The following FRMD4B variants were observed in gnomAD, a reference collection of about 807,000 sequenced individuals.
FRMD4B encodes the protein FERM domain-containing protein 4B.
In FRMD4B, 74 loss-of-function variants were observed where a neutral mutation model predicts 141.5. That is an observed-to-expected ratio of 0.52 (90% CI 0.43 to 0.63). The LOEUF (loss-of-function observed/expected upper bound fraction) is 0.63, where lower values mean the gene tolerates loss of function less well. Among genes scored for constraint, FRMD4B ranks in the 30% least tolerant of loss-of-function variants. The pLI is 0.00. For synonymous variants in FRMD4B, 506 were observed against 467.9 expected (o/e 1.08, Z -1.05); for missense variants, 1,366 against 1,253.4 (o/e 1.09, Z -1.36).
intron 4 of FRMD4B, among the ~76,000 whole-genome samples, chr3:69,291,910 CTTTTTTTTTT>C (rs35703345): frequency 1.3e-4 from 14 of 105,500 alleles, no homozygotes; most frequent in South Asian, 3.5e-4. Context: ...ACAGGAATCT[CTTTTTTTTTT>C]TTTTTTTTTT....
intron 1 of FRMD4B, among the ~76,000 whole-genome samples, chr3:69,471,061 C>T (rs1705880979): frequency 6.6e-6 from 1 of 152,122 alleles, no homozygotes; most frequent in Non-Finnish European, 1.5e-5. Flanking sequence ...AAGAAATTGC[C>T]CATGGCATAA....
intron 1 of FRMD4B, among the ~76,000 whole-genome samples, chr3:69,526,568 C>T (rs143586816): frequency 1.3e-5 from 2 of 152,260 alleles, no homozygotes; most frequent in Admixed American, 6.5e-5. Context: ...ATTTGAATTC[C>T]GGCTTCATCA....
chr3:69,381,373 T>C (rs564976006), intron 1 of FRMD4B, among the ~76,000 whole-genome samples: 164 of 152,288 alleles, frequency 1.1e-3, no homozygotes, highest in African/African-American at 3.7e-3. Context: ...TTATAGTATA[T>C]GAATAAAAAG....
chr3:69,456,570 T>TA (rs1394306070), intron 1 of FRMD4B, among the ~76,000 whole-genome samples: 3 of 152,264 alleles, frequency 2.0e-5, no homozygotes, highest in Non-Finnish European at 2.9e-5. Flanking sequence ...TCAGAGCACT[T>TA]ACTATGTTAA....
intron 6 of FRMD4B, among the ~76,000 whole-genome samples, chr3:69,249,795 T>C (rs980827896): frequency 6.6e-6 from 1 of 152,202 alleles, no homozygotes; most frequent in Non-Finnish European, 1.5e-5. Context: ...TCCAGGAATA[T>C]GGGTTTAATT....
intron 22 of FRMD4B, among the ~76,000 whole-genome samples, chr3:69,172,312 A>G (rs528530028): frequency 3.3e-5 from 5 of 152,202 alleles, no homozygotes; most frequent in Non-Finnish European, 7.3e-5. Context: ...CTTGTCTAGT[A>G]AAAAAGATTA....
chr3:69,390,933 T>C (rs1273124475), upstream of FRMD4B, among the ~76,000 whole-genome samples: 2 of 152,174 alleles, frequency 1.3e-5, no homozygotes, highest in Non-Finnish European at 2.9e-5. Context: ...TGCTACACCC[T>C]GTTCTTCCTC....
intron 2 of FRMD4B, among the ~76,000 whole-genome samples, chr3:69,409,848 G>C (rs1704724213): frequency 6.6e-6 from 1 of 152,332 alleles, no homozygotes; most frequent in Admixed American, 6.5e-5. Flanking sequence ...GGGGAAAGCA[G>C]AGTAGAGAGA....
intron 1 of FRMD4B, among the ~76,000 whole-genome samples, chr3:69,472,880 T>C (rs1705915130): frequency 1.3e-5 from 2 of 150,246 alleles, no homozygotes; most frequent in African/African-American, 4.9e-5. Context: ...GTTTTATCCA[T>C]AGTGATGGCT....
chr3:69,449,076 A>C (rs990734789), intron 1 of FRMD4B, among the ~76,000 whole-genome samples: 1 of 152,150 alleles, frequency 6.6e-6, no homozygotes, highest in South Asian at 2.1e-4. Flanking sequence ...ATTAATATTC[A>C]ACAGGCTTTA....
At chr3:69,423,342 T>A (rs1205226059) in intron 2 of FRMD4B, among the ~76,000 whole-genome samples, 1 of 149,066 alleles carries the variant, frequency 6.7e-6, no homozygotes, top group African/African-American at 2.5e-5. Context: ...GCAATCATTC[T>A]CTGACTTGTG....
chr3:69,382,944 G>A (rs1460572459), intron 1 of FRMD4B, among the ~76,000 whole-genome samples: 1 of 152,068 alleles, frequency 6.6e-6, no homozygotes. Context: ...TTTCAGCTGT[G>A]ACAAAAGTCA....
chr3:69,403,690 A>C (rs944620601), intron 2 of FRMD4B, among the ~76,000 whole-genome samples: 1 of 152,194 alleles, frequency 6.6e-6, no homozygotes, highest in African/African-American at 2.4e-5. Flanking sequence ...ATCAGCTTGA[A>C]AATAAAAGAG....
intron 7 of FRMD4B, among the ~76,000 whole-genome samples, chr3:69,225,339 T>A (rs1200889166): frequency 6.6e-6 from 1 of 151,564 alleles, no homozygotes; most frequent in Admixed American, 6.6e-5. Context: ...ATGGCAAAAT[T>A]CTAGTTGTCA....
At chr3:69,449,907 A>C (rs577606616) in intron 1 of FRMD4B, among the ~76,000 whole-genome samples, 1 of 152,314 alleles carries the variant, frequency 6.6e-6, no homozygotes, top group East Asian at 1.9e-4. Flanking sequence ...ACAGAAACTA[A>C]GAGGGCTGCT....
intron 1 of FRMD4B, among the ~76,000 whole-genome samples, chr3:69,527,918 T>A (rs1700953245): frequency 6.6e-6 from 1 of 152,194 alleles, no homozygotes; most frequent in Non-Finnish European, 1.5e-5. Context: ...AAAATGGTCC[T>A]CACTTTAAGA....
In FRMD4B at chr3:69,385,970, C is replaced by T; in HGVS notation, c.20G>A (p.Cys7Tyr). 6.2e-7 allele frequency: 1 copy of T among 1,601,344 alleles called. No individual in the cohort carries two copies. The highest frequency in any genetic ancestry group is 1.1e-5 in the South Asian group (1 of 88,598). MASVFM[C>Y]GVEDLLFSGS... ...GCTGAACAGCAGGTCCTCCACGCCACACATGAACACCGAAGCCATGCCTCC... is the reference window on the plus strand; with the variant it reads ...GCTGAACAGCAGGTCCTCCACGCCATACATGAACACCGAAGCCATGCCTCC... The change falls in exon 1 of 23, where the codon TGT becomes TAT. Residue 7 changes from cysteine to tyrosine, a missense_variant. Transcript: ENST00000398540.
At chr3:69,189,260 A>G (rs1157817050) in intron 18 of FRMD4B, among the ~76,000 whole-genome samples, 1 of 151,224 alleles carries the variant, frequency 6.6e-6, no homozygotes, top group Non-Finnish European at 1.5e-5. Flanking sequence ...AGAGAGAGAC[A>G]AGAAATGTAT....
chr3:69,313,604 G>A (rs1701683742), intron 1 of FRMD4B, 87 bp from the exon 2 acceptor site: 1 of 796,596 alleles, frequency 1.3e-6, no homozygotes, highest in Admixed American at 2.3e-5. Flanking sequence ...TTTTATATGA[G>A]ATGGGCTCAG....
Sources: allele counts gnomAD v4.1 joint callset (sites outside exome capture counted in the v4.1 genomes callset), GRCh38; gene constraint gnomAD v4.1.1; transcripts MANE v1.5; gene names NCBI Gene and HGNC (gene_info 2026-07-23, HGNC 2026-07-21).